FDXR: variants seen among roughly 807,000 people sequenced by gnomAD.
FDXR encodes ferredoxin reductase, also known as NADPH:adrenodoxin oxidoreductase, mitochondrial.
FDXR carries 38 observed loss-of-function variants against 58.3 expected under a neutral mutation model. The ratio of observed to expected loss-of-function variants is 0.65; its 90% CI spans 0.50 to 0.85. The LOEUF (loss-of-function observed/expected upper bound fraction) is 0.85. FDXR is among the 40% of genes least tolerant of loss of function. The probability of loss-of-function intolerance (pLI) is 0.00; values close to 1 mark genes in which losing one functional copy is unlikely to be tolerated. For missense variants in FDXR, 624 were observed against 671.0 expected (o/e 0.93, Z 0.77); for synonymous variants, 275 against 273.8 (o/e 1.00, Z -0.04).
intron 6 of FDXR, 68 bp downstream of exon 6, chr17:74,865,651 C>G: frequency 9.1e-7 from 1 of 1,097,610 alleles, no homozygotes; most frequent in Non-Finnish European, 1.3e-6. Flanking sequence ...CTGAACCCTG[C>G]AGACAAGGGC....
chr17:74,864,854 A>T lies in FDXR; in HGVS notation c.687T>A (p.Arg229=). Residue 229 remains arginine, a synonymous_variant, in exon 7 of 12, where the codon CGT becomes CGA. Transcript: ENST00000293195. ...RVKTVWLVGR[R]GPLQVAFTIK... ...TGGTGAAGGCCACTTGCAGGGGTCC[A>T]CGCCGGCCCACTAGCCACACTGTCT... is the stretch of plus-strand genomic sequence containing the variant. 1 of 1,613,936 alleles carries T rather than the reference A, an allele frequency of 6.2e-7. No individual in the cohort carries two copies. The highest frequency in any genetic ancestry group is 8.5e-7 in the Non-Finnish European group (1 of 1,179,950).
chr17:74,864,611 A>G, intron 7 of FDXR, 47 bp from the exon 8 acceptor site: 2 of 1,559,012 alleles, frequency 1.3e-6, no homozygotes, highest in Non-Finnish European at 1.8e-6. Context: ...GGCCCAGAAC[A>G]CAGTCCACCT....
rs541171212 is a variant in FDXR, at chr17:74,862,903, C to G, written c.1390G>C (p.Glu464Gln). 1 of 1,613,114 alleles carries G rather than the reference C, an allele frequency of 6.2e-7. No individual in the cohort carries two copies. The highest frequency in any genetic ancestry group is 1.3e-5 in the African/African-American group (1 of 75,070). Residue 464 changes from glutamate to glutamine, a missense_variant, in exon 12 of 12, where the codon GAG (glutamate) becomes CAG (glutamine). Physicochemically the swap from Glu to Gln is conservative, Grantham distance 29. Coordinates refer to ENST00000293195, the MANE Select transcript of FDXR (RefSeq NM_024417.5). ...SFSDWEKLDA[E>Q]EVARGQGTGK... ...GTGCCCTGGCCCCGGGCCACCTCCT[C>G]GGCATCCAGCTTCTCCCAGTCTGAG...
chr17:74,866,583 G>C lies in FDXR; in HGVS notation c.271-15C>G, dbSNP rs2070918. The C allele has an allele frequency of 2.5e-6, 4 of 1,613,148 alleles. No individual in the cohort carries two copies. In the South Asian group the frequency reaches 4.4e-5, roughly 18 times the overall value. ...TTGATGACATTCTGCCAGGTCCCCCGGGAATGGGAGGGGTTAGAGGGTAAG... is the reference window on the plus strand; with the variant it reads ...TTGATGACATTCTGCCAGGTCCCCCCGGAATGGGAGGGGTTAGAGGGTAAG... On this transcript the variant is annotated splice_polypyrimidine_tract_variant and intron_variant, in intron 3 of 11. Coordinates refer to ENST00000293195, the MANE Select transcript of FDXR (RefSeq NM_024417.5).
intron 7 of FDXR, 67 bp downstream of exon 7, chr17:74,864,757 C>T (rs979755554): frequency 1.9e-6 from 3 of 1,603,582 alleles, no homozygotes; most frequent in Admixed American, 3.3e-5. Context: ...CTCTGCCCCA[C>T]CCCAACCCCT....
rs1186491484 is a variant in FDXR, at chr17:74,862,632, G to A, written c.*185C>T. 3 of 768,988 alleles carry A rather than the reference G, an allele frequency of 3.9e-6. No individual in the cohort carries two copies. Among genetic ancestry groups the A allele is most frequent in the East Asian group, 5.5e-5 (2 of 36,362 alleles). 47.6% of individuals were successfully genotyped at this position (768,988 alleles called of 1,614,324 possible). The stretch of plus-strand genomic sequence containing the variant: ...CCTAAGGTTACCTCAGTTGCTGAAA[G>A]CTAAAACCTTGCGCGCAAGGGCGAC... On this transcript the variant is annotated 3_prime_UTR_variant, in exon 12 of 12. Transcript: ENST00000293195.
In FDXR at chr17:74,864,205, C is replaced by G. The variant is rs375205803; in HGVS notation, c.945G>C (p.Leu315=). 22 of 1,611,922 alleles carry G rather than the reference C, an allele frequency of 1.4e-5. No homozygotes were observed. In the African/African-American group the frequency reaches 2.7e-4, roughly 20 times the overall value. Residue 315 remains leucine, a synonymous_variant, in exon 9 of 12, where the codon CTG becomes CTC. Transcript: ENST00000293195. ...LRFFRSPQQV[L]PSPDGRRAAG... is the part of the protein sequence containing the mutation. The stretch of plus-strand genomic sequence containing the variant: ...CTGCCCGCCGCCCATCTGGTGAGGG[C>G]AGCACCTGCTGGGGGCTTCGGAAAA...
chr17:74,870,797 CTTTTTTTT>C (rs200476203), intron 2 of FDXR, among the ~76,000 whole-genome samples: 8 of 88,462 alleles, frequency 9.0e-5, no homozygotes, highest in African/African-American at 3.3e-4. Flanking sequence ...CACTGTCTCT[CTTTTTTTT>C]TTTTTTTTTT....
At chr17:74,862,995 G>A (rs2038025974) in intron 11 of FDXR, 48 bp from the exon 12 acceptor site, 2 of 1,603,864 alleles carry the variant, frequency 1.2e-6, no homozygotes, top group Non-Finnish European at 1.7e-6. Context: ...ACCCCTCCCA[G>A]AACAGCCCCC....
Position 74,862,610 on chromosome 17 carries a change from A to C in FDXR, c.*207T>G. The C allele has an allele frequency of 1.6e-6, 1 of 615,092 alleles. No individual in the cohort carries two copies. 38.1% of individuals were successfully genotyped at this position (615,092 alleles called of 1,614,324 possible). A position where few individuals can be genotyped will look rare whatever the true frequency, so the allele number is the denominator to read the frequency against. Reference sequence around the variant, plus strand: ...TCGGCCCACACCTCCACCTGTCCCTAAGGTTACCTCAGTTGCTGAAAGCTA... The same window carrying C: ...TCGGCCCACACCTCCACCTGTCCCTCAGGTTACCTCAGTTGCTGAAAGCTA... On this transcript the variant is annotated 3_prime_UTR_variant, in exon 12 of 12. Transcript: ENST00000293195.
Position 74,866,536 on chromosome 17 carries a change from A to G in FDXR, c.303T>C (p.His101=), listed in dbSNP as rs2038192079. The change falls in exon 4 of 12, where the codon CAT becomes CAC. Residue 101 remains histidine (H), a synonymous_variant. Coordinates refer to ENST00000293195, the MANE Select transcript of FDXR (RefSeq NM_024417.5). ...NVINTFTQTA[H]SGRCAFWGNV... The stretch of plus-strand genomic sequence containing the variant: ...TGCCCCAGAAGGCACAGCGGCCAGA[A>G]TGGGCCGTCTGGGTAAATGTGTTGA... 3 of 1,613,560 alleles carry G rather than the reference A, an allele frequency of 1.9e-6. No individual in the cohort carries two copies. The highest frequency in any genetic ancestry group is 1.3e-5 in the African/African-American group (1 of 74,934).
chr17:74,866,027 G>A, intron 5 of FDXR, 104 bp downstream of exon 5: 1 of 995,886 alleles, frequency 1.0e-6, no homozygotes, highest in Non-Finnish European at 1.6e-6. Context: ...TCAGCACAAT[G>A]TCACAGCTCG....
In FDXR at chr17:74,863,116, C is replaced by T. The variant is rs1329775747; in HGVS notation, c.1305G>A (p.Arg435=). The part of the protein sequence containing the change: ...LKAGLLPSGP[R]PGYAAIQALL... ...GGGCCTGGATGGCTGCGTAGCCAGGCCTGGGGCCAGAGGGGAGCAACCCAG... is the reference window on the plus strand; with the variant it reads ...GGGCCTGGATGGCTGCGTAGCCAGGTCTGGGGCCAGAGGGGAGCAACCCAG... The change falls in exon 11 of 12, where the codon AGG becomes AGA. Residue 435 remains arginine (R), a synonymous_variant. Coordinates refer to ENST00000293195, the MANE Select transcript of FDXR (RefSeq NM_024417.5). The T allele has an allele frequency of 8.1e-6, 13 of 1,613,382 alleles. No individual in the cohort carries two copies. Among genetic ancestry groups the T allele is most frequent in the South Asian group, 1.1e-5 (1 of 91,068 alleles).
chr17:74,863,145 T>C lies in FDXR; in HGVS notation c.1276A>G (p.Lys426Glu). 1 of 1,613,806 alleles carries C rather than the reference T, an allele frequency of 6.2e-7. No homozygotes were observed. The highest frequency in any genetic ancestry group is 8.5e-7 in the Non-Finnish European group (1 of 1,179,992). ...GGGCCAGAGGGGAGCAACCCAGCCTTCAGGTCCTGCAGCAGCATCTGGCCG... is the reference window on the plus strand; with the variant it reads ...GGGCCAGAGGGGAGCAACCCAGCCTCCAGGTCCTGCAGCAGCATCTGGCCG... ...LTGQMLLQDLKAGLLPSGPRP... is the reference protein window; with the variant it reads ...LTGQMLLQDLEAGLLPSGPRP... The change falls in exon 11 of 12, where the codon AAG (lysine) becomes GAG (glutamate). Residue 426 changes from lysine (K) to glutamate (E), a missense_variant. Transcript: ENST00000293195.
intron 2 of FDXR, among the ~76,000 whole-genome samples, chr17:74,869,467 C>T (rs1002208991): frequency 1.3e-5 from 2 of 152,198 alleles, no homozygotes; most frequent in Non-Finnish European, 2.9e-5. Context: ...CTCTCACCTC[C>T]TCACGCCTTA....
At position 74,868,764 on chromosome 17, in the gene FDXR, C is replaced by T. The variant is rs75251269; in HGVS notation, c.178-1888G>A. ...ACAAGGACATTCTCTGAGGTTCTTC[C>T]GATTGGCCCCCCTCCCTCCTCCCTG... On this transcript the variant is annotated intron_variant, in intron 2 of 11. Coordinates refer to ENST00000293195, the MANE Select transcript of FDXR (RefSeq NM_024417.5). 2,747 of 1,478,166 alleles carry T rather than the reference C, an allele frequency of 1.9e-3. 36 individuals carry two copies. The East Asian group carries it at 0.037, about 20-fold the overall frequency. The allele number at this position is 1,478,166 out of a possible 1,614,324, so 91.6% of individuals were successfully genotyped here. A position where few individuals can be genotyped will look rare whatever the true frequency, so the allele number is the denominator to read the frequency against.
chr17:74,862,848 G>T lies in FDXR; in HGVS notation c.1445C>A (p.Pro482His), dbSNP rs1225747907. 2 of 1,612,588 alleles carry T rather than the reference G, an allele frequency of 1.2e-6. No individual in the cohort carries two copies. Among genetic ancestry groups the T allele is most frequent in the Non-Finnish European group, 1.7e-6 (2 of 1,179,988 alleles). ...TGKPREKLVD[P>H]QEMLRLLGH is the part of the protein sequence containing the mutation. Reference sequence around the variant, plus strand: ...GCCCAGGAGGCGCAGCATCTCCTGAGGATCCACCAGCTTCTCCCTGGGCTT... The same window carrying T: ...GCCCAGGAGGCGCAGCATCTCCTGATGATCCACCAGCTTCTCCCTGGGCTT... Residue 482 changes from proline to histidine, a missense_variant, in exon 12 of 12, where the codon CCT becomes CAT. Pro to His is a moderately conservative substitution (Grantham distance 77, BLOSUM62 -2). Transcript: ENST00000293195.
rs895478288 is a variant in FDXR, at chr17:74,865,065, C to T, written c.610-134G>A. 5 of 1,214,508 alleles carry T rather than the reference C, an allele frequency of 4.1e-6. No individual in the cohort carries two copies. In the Admixed American group the frequency reaches 6.2e-5, roughly 15 times the overall value. 75.2% of individuals were successfully genotyped at this position (1,214,508 alleles called of 1,614,324 possible). A position where few individuals can be genotyped will look rare whatever the true frequency, so the allele number is the denominator to read the frequency against. ...TTGCGCCACTGCTCCCCCCTGGTGG[C>T]CAGATGGAGCATTGCTGCCAACTCT... On this transcript the variant is annotated intron_variant, in intron 6 of 11. Coordinates refer to ENST00000293195, the MANE Select transcript of FDXR (RefSeq NM_024417.5).
At chr17:74,868,653 C>T in intron 2 of FDXR, 2 of 1,535,606 alleles carry the variant, frequency 1.3e-6, no homozygotes, top group Middle Eastern at 1.7e-4. Context: ...ATGTTCTTAC[C>T]CCTTATCTCT....
Sources: gnomAD v4.1 joint callset for allele counts (sites outside exome capture counted in the v4.1 genomes callset) on GRCh38, gnomAD v4.1.1 for gene constraint, MANE v1.5 for transcripts, NCBI Gene and HGNC (gene_info 2026-07-23, HGNC 2026-07-21) for gene names.